The following TRPC4AP variants were observed in gnomAD, a reference collection of about 807,000 sequenced individuals.
TRPC4AP encodes the protein short transient receptor potential channel 4-associated protein.
TRPC4AP carries 45 observed loss-of-function variants against 99.0 expected under a neutral mutation model. That is an observed-to-expected ratio of 0.45 (90% CI 0.36 to 0.58). The LOEUF is 0.58. Ranked by LOEUF, TRPC4AP falls within the 20% of genes least tolerant of loss-of-function variation. The probability of loss-of-function intolerance (pLI) is 0.00; values close to 1 mark genes in which losing one functional copy is unlikely to be tolerated. For missense variants in TRPC4AP, 879 were observed against 985.3 expected, an observed-to-expected ratio of 0.89 and a Z score of 1.44; for synonymous variants, 408 against 385.8, an observed-to-expected ratio of 1.06 and a Z score of -0.67.
chr20:35,022,309 C>T (rs1015747086), intron 8 of TRPC4AP, among the ~76,000 whole-genome samples: 2 of 152,208 alleles, frequency 1.3e-5, no homozygotes, highest in African/African-American at 2.4e-5. Flanking sequence ...GCATGTGCCA[C>T]CACGCCCAGC....
chr20:35,005,849 G>C, intron 15 of TRPC4AP, 46 bp from the exon 16 acceptor site: 1 of 1,559,650 alleles, frequency 6.4e-7, no homozygotes, highest in Non-Finnish European at 8.8e-7. Flanking sequence ...TGCTGGCCAG[G>C]TATGGCCATG....
chr20:35,063,962 C>T (rs2084074896), intron 3 of TRPC4AP, among the ~76,000 whole-genome samples: 1 of 152,268 alleles, frequency 6.6e-6, no homozygotes, highest in Admixed American at 6.5e-5. Flanking sequence ...GAAAGGAATA[C>T]TCCCGAATCT....
Position 35,008,648 on chromosome 20 carries a change from T to C in TRPC4AP, c.1595+16A>G, listed in dbSNP as rs1839812460. ...GCAGCCCCGCAGAATCGGCAGGTAC[T>C]TTTCCCCAGACTCACCTGAAAGACG... is the stretch of plus-strand genomic sequence containing the variant. On this transcript the variant is annotated intron_variant, in intron 13 of 18. Transcript: ENST00000252015. 6.2e-7 allele frequency: 1 copy of C among 1,609,346 alleles called. No individual in the cohort carries two copies. The highest frequency in any genetic ancestry group is 8.5e-7 in the Non-Finnish European group (1 of 1,177,616).
chr20:35,022,293 C>T (rs1015753553), intron 8 of TRPC4AP, among the ~76,000 whole-genome samples: 8 of 152,136 alleles, frequency 5.3e-5, no homozygotes, highest in African/African-American at 9.7e-5. Flanking sequence ...GTAGCTGGGA[C>T]TACAGGCATG....
chr20:35,010,629 T>C (rs182268016), intron 11 of TRPC4AP, among the ~76,000 whole-genome samples: 5 of 152,084 alleles, frequency 3.3e-5, no homozygotes, highest in Non-Finnish European at 7.4e-5. Context: ...CCAATCACAC[T>C]CAAGCCTGGC....
chr20:35,090,377 C>CTTTTTTTTTTTTTTTTTTTTTT (rs71196792), intron 1 of TRPC4AP, among the ~76,000 whole-genome samples: 1 of 88,992 alleles, frequency 1.1e-5, no homozygotes. Flanking sequence ...ATCTGGTGAG[C>CTTTTTTTTTTTTTTTTTTTTTT]TTTTTTTTTT....
chr20:35,081,457 T>C (rs1249537100), intron 1 of TRPC4AP, among the ~76,000 whole-genome samples: 2 of 151,746 alleles, frequency 1.3e-5, no homozygotes, highest in African/African-American at 4.8e-5. Context: ...GAGACTGCAG[T>C]GACCTGTGAT....
At chr20:35,084,736 GTA>G (rs1402833468) in intron 1 of TRPC4AP, among the ~76,000 whole-genome samples, 2 of 144,206 alleles carry the variant, frequency 1.4e-5, no homozygotes, top group Non-Finnish European at 3.0e-5. Flanking sequence ...ATGTGTATAT[GTA>G]TATATGTTTA....
At chr20:35,004,392 G>T in intron 17 of TRPC4AP, 66 bp downstream of exon 17, 1 of 1,391,930 alleles carries the variant, frequency 7.2e-7, no homozygotes, top group Non-Finnish European at 1.0e-6. Flanking sequence ...AACCTGCTGG[G>T]CACCAGGACA....
At chr20:35,077,925 A>G in intron 2 of TRPC4AP, 121 bp downstream of exon 2, 1 of 1,126,438 alleles carries the variant, frequency 8.9e-7, no homozygotes, top group African/African-American at 1.6e-5. Context: ...CAAATTTTCT[A>G]TAGCTCACAC....
chr20:35,076,028 C>A (rs1043711337), intron 2 of TRPC4AP, among the ~76,000 whole-genome samples: 1 of 152,034 alleles, frequency 6.6e-6, no homozygotes, highest in Non-Finnish European at 1.5e-5. Flanking sequence ...TCACTGATAC[C>A]CTTTCTTCCA....
At chr20:35,028,211 CTT>C (rs71196775) in intron 8 of TRPC4AP, among the ~76,000 whole-genome samples, 6 of 147,038 alleles carry the variant, frequency 4.1e-5, no homozygotes, top group Non-Finnish European at 4.5e-5. Flanking sequence ...AAAATATTTC[CTT>C]TTTTTTTTTT....
At chr20:35,037,143 G>A (rs1005825278) in intron 7 of TRPC4AP, among the ~76,000 whole-genome samples, 5 of 151,930 alleles carry the variant, frequency 3.3e-5, no homozygotes, top group African/African-American at 4.8e-5. Context: ...TCAGGAGATC[G>A]AGACCATCCT....
At position 35,063,429 on chromosome 20, in the gene TRPC4AP, G is replaced by GAGA. The variant is rs557170680; in HGVS notation, c.415-5861_415-5859dup. Among the ~76,000 whole-genome samples, 15 of 152,340 alleles carry GAGA rather than the reference G, an allele frequency of 9.8e-5. No homozygotes were observed. The South Asian group carries it at 3.1e-3, about 32-fold the overall frequency. ...TAGATTAACGGCTGCCAGAGCTGGG[G>GAGA]AGAAGGGGAGATGGGGAGTGACTGC... On this transcript the variant is annotated intron_variant, in intron 3 of 18. Transcript: ENST00000252015.
intron 9 of TRPC4AP, 129 bp from the exon 10 acceptor site, chr20:35,016,268 G>T: frequency 1.8e-6 from 2 of 1,133,212 alleles, no homozygotes; most frequent in Non-Finnish European, 2.5e-6. Flanking sequence ...GAGGGCCAGG[G>T]TCTGAAGAAA....
intron 3 of TRPC4AP, among the ~76,000 whole-genome samples, chr20:35,057,857 T>C (rs1274055526): frequency 6.6e-6 from 1 of 152,222 alleles, no homozygotes; most frequent in African/African-American, 2.4e-5. Context: ...GCGGCTTTAA[T>C]TTCTGAAAAG....
intron 6 of TRPC4AP, 129 bp from the exon 7 acceptor site, chr20:35,044,841 T>C (rs2083523932): frequency 1.2e-6 from 1 of 815,626 alleles, no homozygotes; most frequent in African/African-American, 1.7e-5. Context: ...CCCAGCTCTG[T>C]AACTTGCAGC....
At chr20:35,056,606 G>A (rs2083832293) in intron 4 of TRPC4AP, among the ~76,000 whole-genome samples, 1 of 152,032 alleles carries the variant, frequency 6.6e-6, no homozygotes, top group South Asian at 2.1e-4. Context: ...AAAGTTGGTA[G>A]GAGGGCATTC....
In TRPC4AP at chr20:35,092,764, T is replaced by C. The variant is rs2085113430; in HGVS notation, c.18A>G (p.Val6=). 6.5e-7 allele frequency: 1 copy of C among 1,542,136 alleles called. No homozygotes were observed. The highest frequency in any genetic ancestry group is 8.6e-7 in the Non-Finnish European group (1 of 1,156,510). The change falls in exon 1 of 19, where the codon GTA becomes GTG. Residue 6 remains valine (V), a synonymous_variant. Coordinates refer to ENST00000252015, the MANE Select transcript of TRPC4AP (RefSeq NM_015638.3). The part of the protein sequence containing the change: MAAAP[V]AAGSGAGRGR... The stretch of plus-strand genomic sequence containing the variant: ...CTCGGCCGGCTCCAGACCCAGCCGC[T>C]ACCGGCGCCGCCGCCATGTCTCCTC...
Sources: allele counts gnomAD v4.1 joint callset (sites outside exome capture counted in the v4.1 genomes callset), GRCh38; gene constraint gnomAD v4.1.1; transcripts MANE v1.5; gene names NCBI Gene and HGNC (gene_info 2026-07-23, HGNC 2026-07-21).